Variants in FTO observed in about 807,000 individuals in gnomAD.
FTO encodes the protein FTO alpha-ketoglutarate dependent dioxygenase.
A neutral mutation model predicts 63.9 loss-of-function variants in FTO; 47 were observed. The observed-to-expected ratio is 0.74, with a 90% CI of 0.58 to 0.94. FTO has a LOEUF of 0.94. Ranked by LOEUF, FTO falls within the 40% of genes least tolerant of loss-of-function variation. FTO has a pLI of 0.00. For missense variants in FTO, 562 were observed against 618.1 expected, an observed-to-expected ratio of 0.91 and a Z score of 0.96; for synonymous variants, 207 against 224.4, an observed-to-expected ratio of 0.92 and a Z score of 0.69.
In FTO at chr16:53,940,625, G is replaced by A. The variant is rs145001732; in HGVS notation, c.1364+6516G>A. Reference sequence around the variant, plus strand: ...CTTTAGCTTTTAGGCTCAAACAGGAGTTACTGTACTCCCATAGGAGACAAC... The same window carrying A: ...CTTTAGCTTTTAGGCTCAAACAGGAATTACTGTACTCCCATAGGAGACAAC... On this transcript the variant is annotated intron_variant, in intron 8 of 8. Transcript: ENST00000471389. Among the ~76,000 whole-genome samples the A allele has an allele frequency of 4.5e-4, 68 of 152,286 alleles. 1 individual carries two copies. Among genetic ancestry groups the A allele is most frequent in the African/African-American group, 1.5e-3 (64 of 41,576 alleles).
chr16:54,050,083 G>T (rs1169183309), intron 8 of FTO, among the ~76,000 whole-genome samples: 1 of 152,158 alleles, frequency 6.6e-6, no homozygotes, highest in African/African-American at 2.4e-5. Flanking sequence ...GGGCAGACAG[G>T]ATTCCTCCTG....
intron 2 of FTO, among the ~76,000 whole-genome samples, chr16:53,810,994 A>C (rs1258205254): frequency 6.6e-6 from 1 of 152,158 alleles, no homozygotes; most frequent in Non-Finnish European, 1.5e-5. Flanking sequence ...GTTCCATCAA[A>C]TTATCCAGGA....
At position 54,120,533 on chromosome 16, in the gene FTO, T is replaced by C. The variant is rs1479160348; in HGVS notation, c.*8618T>C. 1 of 152,230 alleles carries C rather than the reference T, an allele frequency of 6.6e-6. No homozygotes were observed. The highest frequency in any genetic ancestry group is 2.4e-5 in the African/African-American group (1 of 41,450). 9.4% of individuals were successfully genotyped at this position (152,230 alleles called of 1,614,324 possible). ...TAGTTACCACATTTGCAAAGGCACATACCCCAAAGAGAAGTTTTTAATATG... is the reference window on the plus strand; with the variant it reads ...TAGTTACCACATTTGCAAAGGCACACACCCCAAAGAGAAGTTTTTAATATG... On this transcript the variant is annotated 3_prime_UTR_variant, in exon 9 of 9. Transcript: ENST00000471389.
At chr16:53,732,117 C>T (rs1246307187) in intron 1 of FTO, among the ~76,000 whole-genome samples, 3 of 148,610 alleles carry the variant, frequency 2.0e-5, no homozygotes, top group African/African-American at 7.6e-5. Flanking sequence ...GGTGCGATCC[C>T]GGCTCACTGC....
At chr16:53,906,785 C>T (rs2081549955) in intron 7 of FTO, among the ~76,000 whole-genome samples, 1 of 151,988 alleles carries the variant, frequency 6.6e-6, no homozygotes, top group Non-Finnish European at 1.5e-5. Flanking sequence ...GCTGTCCGTT[C>T]CCCCAAACTA....
At chr16:54,023,167 C>T (rs138678277) in intron 8 of FTO, among the ~76,000 whole-genome samples, 14 of 152,282 alleles carry the variant, frequency 9.2e-5, no homozygotes, top group African/African-American at 2.6e-4. Context: ...CTAGCAATTA[C>T]GCATCTTCTG....
At chr16:53,905,745 A>G in intron 7 of FTO, among the ~76,000 whole-genome samples, 1 of 152,016 alleles carries the variant, frequency 6.6e-6, no homozygotes, top group Non-Finnish European at 1.5e-5. Flanking sequence ...GAGAGCAGGG[A>G]CTCTGTCTCA....
At chr16:53,707,328 C>G (rs75298718) in intron 1 of FTO, among the ~76,000 whole-genome samples, 2,071 of 152,226 alleles carry the variant, frequency 0.014, 54 homozygotes, top group African/African-American at 0.047. Flanking sequence ...TTCTGTGTCT[C>G]AAATCTCTCT....
At chr16:53,727,293 T>C (rs538164031) in intron 1 of FTO, among the ~76,000 whole-genome samples, 2 of 152,364 alleles carry the variant, frequency 1.3e-5, no homozygotes, top group South Asian at 4.1e-4. Context: ...AGGGACTAGA[T>C]GCTAGTCCAG....
chr16:53,726,078 A>G (rs552563213), intron 1 of FTO, among the ~76,000 whole-genome samples: 14 of 152,334 alleles, frequency 9.2e-5, no homozygotes, highest in Middle Eastern at 3.4e-3. Flanking sequence ...TTTCTACTAC[A>G]TAGAAAAGCA....
chr16:53,816,742 C>A (rs754584463), intron 2 of FTO, among the ~76,000 whole-genome samples: 10 of 152,318 alleles, frequency 6.6e-5, no homozygotes, highest in Non-Finnish European at 2.9e-5. Context: ...CACTCCCTAT[C>A]CTACTTTCTC....
chr16:54,027,672 A>T (rs2084745513), intron 8 of FTO, among the ~76,000 whole-genome samples: 5 of 152,168 alleles, frequency 3.3e-5, no homozygotes, highest in Admixed American at 3.3e-4. Context: ...ATTGGATGGT[A>T]AGTTGCAAAA....
intron 2 of FTO, among the ~76,000 whole-genome samples, chr16:53,823,442 G>A (rs78227493): frequency 0.016 from 2,500 of 151,802 alleles, 62 homozygotes; most frequent in African/African-American, 0.053. Flanking sequence ...CCCACATTGC[G>A]TTCCTCTGCC....
intron 7 of FTO, chr16:53,911,391 G>C (rs2081698289): frequency 1.4e-6 from 1 of 703,136 alleles, no homozygotes; most frequent in African/African-American, 1.7e-5. Flanking sequence ...TGGAGTGGAG[G>C]AAAGTCAGCG....
rs1477275886 is a variant in FTO at position 53,708,160 on chromosome 16, G to T, written c.45+3931G>T. ...GATCACCTGAGGTCAGGATAACTTA[G>T]ATCAAGACCAGCCTGGCCAACATGG... On this transcript the variant is annotated intron_variant, in intron 1 of 8. Transcript: ENST00000471389. Among the ~76,000 whole-genome samples the T allele has an allele frequency of 2.0e-5, 3 of 152,136 alleles. No homozygotes were observed. The East Asian group carries it at 5.8e-4, about 29-fold the overall frequency.
intron 6 of FTO, among the ~76,000 whole-genome samples, chr16:53,884,181 T>C (rs1340930593): frequency 6.6e-6 from 1 of 152,234 alleles, no homozygotes; most frequent in East Asian, 1.9e-4. Context: ...GAGTACCTTA[T>C]GGGAGATAGT....
At chr16:53,899,438 A>C (rs187357839) in intron 7 of FTO, among the ~76,000 whole-genome samples, 80 of 152,322 alleles carry the variant, frequency 5.3e-4, no homozygotes, top group Admixed American at 4.4e-3. Flanking sequence ...AATTTTCAAA[A>C]TTATATAGAG....
intron 1 of FTO, among the ~76,000 whole-genome samples, chr16:53,728,362 GTT>G (rs1187682097): frequency 2.0e-5 from 3 of 152,066 alleles, no homozygotes; most frequent in Non-Finnish European, 4.4e-5. Flanking sequence ...ATGACATCAC[GTT>G]TTAGTCAAGC....
chr16:53,970,948 TTAATAA>T (rs1303208833), intron 8 of FTO, among the ~76,000 whole-genome samples: 1 of 152,244 alleles, frequency 6.6e-6, no homozygotes, highest in East Asian at 1.9e-4. Context: ...GAAACTTTTC[TTAATAA>T]TAGTAAGAAA....
Sources: gnomAD v4.1 joint callset for allele counts (sites outside exome capture counted in the v4.1 genomes callset) on GRCh38, gnomAD v4.1.1 for gene constraint, MANE v1.5 for transcripts, NCBI Gene and HGNC (gene_info 2026-07-23, HGNC 2026-07-21) for gene names.